The following ARHGEF3 variants were observed in gnomAD, a reference collection of about 807,000 sequenced individuals.
ARHGEF3 encodes 59.8 kDA protein.
Under a neutral mutation model 63.2 loss-of-function variants are expected in ARHGEF3, and 28 were observed. The observed-to-expected ratio is 0.44, with a 90% CI of 0.33 to 0.61. The LOEUF (loss-of-function observed/expected upper bound fraction) is 0.61, where lower values mean the gene tolerates loss of function less well. Among genes scored for constraint, ARHGEF3 ranks in the 20% least tolerant of loss-of-function variants. The pLI is 0.03. For synonymous variants in ARHGEF3, 266 were observed against 254.2 expected, an observed-to-expected ratio of 1.05 and a Z score of -0.44; for missense variants, 533 against 659.3, an observed-to-expected ratio of 0.81 and a Z score of 2.10.
chr3:56,953,893 A>G (rs1699926546), intron 3 of ARHGEF3, among the ~76,000 whole-genome samples: 2 of 152,220 alleles, frequency 1.3e-5, no homozygotes, highest in Admixed American at 6.5e-5. Context: ...TACCCACCTC[A>G]GTTTCCCTCA....
chr3:56,943,288 T>C (rs1224177997), intron 3 of ARHGEF3, among the ~76,000 whole-genome samples: 2 of 152,192 alleles, frequency 1.3e-5, no homozygotes, highest in African/African-American at 2.4e-5. Context: ...CCAATGCTCA[T>C]TGACCATTCT....
Position 56,994,064 on chromosome 3 carries a change from C to CAAA in ARHGEF3, c.63-35178_63-35176dup, listed in dbSNP as rs60299557. Among the ~76,000 whole-genome samples, 367 of 59,582 alleles carry CAAA rather than the reference C, an allele frequency of 6.2e-3. 50 individuals are homozygous for CAAA. Among genetic ancestry groups the CAAA allele is most frequent in the Non-Finnish European group, 8.8e-3 (261 of 29,804 alleles). The allele number at this position is 59,582 out of a possible 152,430, so 39.1% of individuals were successfully genotyped here. ...GGGCGACAAGAGTGAAACTTCGTCT[C>CAAA]AAAAAAAAAAAAAAAAAAAAAGCAC... On this transcript the variant is annotated intron_variant, in intron 2 of 12. Transcript: ENST00000338458.
At chr3:56,788,000 G>C (rs1360370299) in intron 1 of ARHGEF3, among the ~76,000 whole-genome samples, 2 of 152,118 alleles carry the variant, frequency 1.3e-5, no homozygotes, top group Non-Finnish European at 2.9e-5. Context: ...AAACGAATAG[G>C]CTGTAGAGGC....
At chr3:56,775,991 T>TAGAG (rs1440413389) in intron 1 of ARHGEF3, among the ~76,000 whole-genome samples, 2 of 150,754 alleles carry the variant, frequency 1.3e-5, no homozygotes, top group Non-Finnish European at 2.9e-5. Flanking sequence ...TTTCTCTTTC[T>TAGAG]CTCTCTCTTT....
chr3:56,904,125 G>T (rs2041610590), intron 3 of ARHGEF3, among the ~76,000 whole-genome samples: 2 of 152,132 alleles, frequency 1.3e-5, no homozygotes, highest in Admixed American at 1.3e-4. Flanking sequence ...TGCTTCCCCA[G>T]CTTAAGCTAT....
intron 1 of ARHGEF3, among the ~76,000 whole-genome samples, chr3:56,788,995 C>G (rs781260200): frequency 2.0e-5 from 3 of 151,808 alleles, no homozygotes. Context: ...ATAGCTTCTA[C>G]TCAACTGATC....
intron 3 of ARHGEF3, among the ~76,000 whole-genome samples, chr3:56,905,497 G>A (rs1227964412): frequency 1.3e-5 from 2 of 152,226 alleles, no homozygotes; most frequent in Admixed American, 1.3e-4. Flanking sequence ...GACTGAGTAT[G>A]TATGTAGTTT....
chr3:56,765,318 G>C (rs2035644109), intron 2 of ARHGEF3, among the ~76,000 whole-genome samples: 1 of 152,102 alleles, frequency 6.6e-6, no homozygotes, highest in African/African-American at 2.4e-5. Flanking sequence ...ATAAGGAAGG[G>C]GCTTTACTGG....
At position 56,734,162 on chromosome 3, in the gene ARHGEF3, T is replaced by A. The variant is rs1187066975; in HGVS notation, c.1042-1738A>T. On this transcript the variant is annotated intron_variant, in intron 8 of 9. Transcript: ENST00000296315. ...CCATTATGAAAGCAGGTGTGCTTGGTGGAGCTGGGGTATATTTGCTCCATT... is the reference window on the plus strand; with the variant it reads ...CCATTATGAAAGCAGGTGTGCTTGGAGGAGCTGGGGTATATTTGCTCCATT... Among the ~76,000 whole-genome samples the A allele has an allele frequency of 2.0e-5, 3 of 152,098 alleles. No individual in the cohort carries two copies. The East Asian group carries it at 5.8e-4, about 29-fold the overall frequency.
intron 2 of ARHGEF3, among the ~76,000 whole-genome samples, chr3:56,970,616 C>G (rs1238940284): frequency 6.6e-6 from 1 of 152,236 alleles, no homozygotes; most frequent in Admixed American, 6.5e-5. Flanking sequence ...CTCAGAGATT[C>G]AGCAGCAACA....
chr3:56,991,130 C>T (rs1367558485), intron 2 of ARHGEF3, among the ~76,000 whole-genome samples: 1 of 152,160 alleles, frequency 6.6e-6, no homozygotes, highest in Non-Finnish European at 1.5e-5. Flanking sequence ...GCCCCATTAC[C>T]CTAGTCCCTC....
intron 2 of ARHGEF3, among the ~76,000 whole-genome samples, chr3:56,968,162 AT>A (rs1700697871): frequency 3.1e-4 from 8 of 25,636 alleles, no homozygotes; most frequent in African/African-American, 7.9e-4. Context: ...AAAAATATAT[AT>A]TATATAATAT....
At chr3:57,020,759 G>C (rs1391105863) in intron 2 of ARHGEF3, among the ~76,000 whole-genome samples, 1 of 152,224 alleles carries the variant, frequency 6.6e-6, no homozygotes, top group Non-Finnish European at 1.5e-5. Flanking sequence ...CACCATGCCT[G>C]AGGCTATCTA....
At chr3:56,745,832 C>T (rs1345758682) in intron 6 of ARHGEF3, among the ~76,000 whole-genome samples, 2 of 152,100 alleles carry the variant, frequency 1.3e-5, no homozygotes, top group African/African-American at 4.8e-5. Context: ...CCACCATGCC[C>T]GGATAATTTT....
intron 3 of ARHGEF3, among the ~76,000 whole-genome samples, chr3:56,946,954 G>T (rs942544990): frequency 6.6e-6 from 1 of 152,222 alleles, no homozygotes; most frequent in African/African-American, 2.4e-5. Context: ...CAAGCCAGAA[G>T]AGAGTGGGGG....
chr3:57,001,834 A>G (rs1702201223), intron 2 of ARHGEF3, among the ~76,000 whole-genome samples: 1 of 152,184 alleles, frequency 6.6e-6, no homozygotes, highest in Non-Finnish European at 1.5e-5. Context: ...ATCATTCCAC[A>G]AAGGAATAGA....
chr3:56,825,941 A>T (rs2108054758), intron 4 of ARHGEF3, among the ~76,000 whole-genome samples: 1 of 152,320 alleles, frequency 6.6e-6, no homozygotes, highest in East Asian at 1.9e-4. Flanking sequence ...GGACTGACCA[A>T]TCAGCAACCC....
chr3:56,740,724 T>C (rs745358196), intron 7 of ARHGEF3, among the ~76,000 whole-genome samples: 1 of 152,232 alleles, frequency 6.6e-6, no homozygotes, highest in Non-Finnish European at 1.5e-5. Context: ...ATCCATGCTT[T>C]TTCCTTACTC....
At chr3:57,073,499 G>C (rs1015929700) in intron 1 of ARHGEF3, 1 of 789,616 alleles carries the variant, frequency 1.3e-6, no homozygotes, top group African/African-American at 1.7e-5. Flanking sequence ...GAAAACCTCT[G>C]CAGTATCTGG....
Sources: allele counts gnomAD v4.1 joint callset (sites outside exome capture counted in the v4.1 genomes callset), GRCh38; gene constraint gnomAD v4.1.1; transcripts MANE v1.5; gene names NCBI Gene and HGNC (gene_info 2026-07-23, HGNC 2026-07-21).